The following UGT1A8 variants were observed in gnomAD, a reference collection of about 807,000 sequenced individuals.
UGT1A8 encodes UDP-glucuronosyltransferase 1A8.
In UGT1A8, 39 loss-of-function variants were observed where a neutral mutation model predicts 45.3. That is an observed-to-expected ratio of 0.86 (90% CI 0.67 to 1.12). UGT1A8 has a LOEUF of 1.12. UGT1A8 is among the 50% of genes most tolerant of loss of function. UGT1A8 has a pLI of 0.00. For missense variants in UGT1A8, 719 were observed against 664.9 expected, an observed-to-expected ratio of 1.08 and a Z score of -0.90; for synonymous variants, 275 against 249.2, an observed-to-expected ratio of 1.10 and a Z score of -0.97.
At chr2:233,693,306 A>C in intron 1 of UGT1A8, 1 of 1,614,218 alleles carries the variant, frequency 6.2e-7, no homozygotes, top group Non-Finnish European at 8.5e-7. Flanking sequence ...CACTTTGCTG[A>C]GCGATCATTC....
chr2:233,731,684 T>C (rs2078191188), intron 1 of UGT1A8, among the ~76,000 whole-genome samples: 1 of 152,270 alleles, frequency 6.6e-6, no homozygotes, highest in Non-Finnish European at 1.5e-5. Flanking sequence ...CAGTCTATCA[T>C]TGATGGACAT....
chr2:233,623,041 T>C (rs1462800859), intron 1 of UGT1A8, among the ~76,000 whole-genome samples: 1 of 152,168 alleles, frequency 6.6e-6, no homozygotes, highest in Non-Finnish European at 1.5e-5. Flanking sequence ...GTTGTAGATA[T>C]GTGGTGTTAT....
chr2:233,769,948 G>A lies in UGT1A8; in HGVS notation c.1295+1509G>A, dbSNP rs34217924. ...TGTGGTCCCATTCCTTCCTTCCAGC[G>A]GCTTCTTCTGGCCACCTCAATGTCA... On this transcript the variant is annotated intron_variant, in intron 4 of 4. Transcript: ENST00000373450. The surrounding 1 kb of genome is among the most constrained non-coding windows in gnomAD (Gnocchi z 4.4). The A allele has an allele frequency of 2.0e-3, 447 of 222,054 alleles. 3 individuals carry two copies. The highest frequency in any genetic ancestry group is 0.017 in the East Asian group (164 of 9,732). The allele number at this position is 222,054 out of a possible 1,614,324, so 13.8% of individuals were successfully genotyped here. A position where few individuals can be genotyped will look rare whatever the true frequency, so the allele number is the denominator to read the frequency against.
intron 1 of UGT1A8, among the ~76,000 whole-genome samples, chr2:233,737,492 C>T (rs1256761021): frequency 6.6e-6 from 1 of 152,202 alleles, no homozygotes; most frequent in Non-Finnish European, 1.5e-5. Flanking sequence ...AAAGGGAAAT[C>T]CCTCACCCTC....
intron 1 of UGT1A8, among the ~76,000 whole-genome samples, chr2:233,737,176 C>T (rs550268517): frequency 9.8e-5 from 15 of 152,314 alleles, no homozygotes; most frequent in African/African-American, 2.9e-4. Context: ...GAGTCTATAG[C>T]GGCAGTAGCC....
intron 4 of UGT1A8, among the ~76,000 whole-genome samples, chr2:233,768,657 G>A (rs1265555530): frequency 7.1e-6 from 1 of 141,016 alleles, no homozygotes; most frequent in East Asian, 2.1e-4. Context: ...TGCAATCTTG[G>A]CTTACTGCAA....
chr2:233,709,006 A>G (rs2076051981), intron 1 of UGT1A8, among the ~76,000 whole-genome samples: 1 of 152,104 alleles, frequency 6.6e-6, no homozygotes, highest in African/African-American at 2.4e-5. Flanking sequence ...TCTCAGTGTC[A>G]TAATACCCAA....
chr2:233,680,876 A>G (rs1283845795), intron 1 of UGT1A8, among the ~76,000 whole-genome samples: 1 of 152,048 alleles, frequency 6.6e-6, no homozygotes, highest in Non-Finnish European at 1.5e-5. Flanking sequence ...TTGGGCAAGC[A>G]TAGGGACGGC....
At chr2:233,739,701 C>T (rs1691179218) in intron 1 of UGT1A8, among the ~76,000 whole-genome samples, 1 of 152,172 alleles carries the variant, frequency 6.6e-6, no homozygotes, top group Non-Finnish European at 1.5e-5. Flanking sequence ...ATTTTACAGG[C>T]TCATGGGGGA....
chr2:233,627,624 T>TTCCTTC (rs2073108145), intron 1 of UGT1A8, among the ~76,000 whole-genome samples: 5 of 111,934 alleles, frequency 4.5e-5, no homozygotes, highest in South Asian at 3.8e-4. Context: ...TTCCTTCCTT[T>TTCCTTC]CTTCCTTCCT....
At chr2:233,647,206 T>C (rs1354775708) in intron 1 of UGT1A8, among the ~76,000 whole-genome samples, 7 of 152,208 alleles carry the variant, frequency 4.6e-5, no homozygotes, top group Non-Finnish European at 8.8e-5. Context: ...GTTCCTTCCA[T>C]GACACGTGGA....
chr2:233,765,958 G>T (rs1456773325), intron 1 of UGT1A8, among the ~76,000 whole-genome samples: 1 of 152,138 alleles, frequency 6.6e-6, no homozygotes, highest in East Asian at 1.9e-4. Flanking sequence ...CACCGGCAGT[G>T]TCTAGAGGTG....
chr2:233,687,758 T>C (rs984466246), intron 1 of UGT1A8, among the ~76,000 whole-genome samples: 1 of 151,916 alleles, frequency 6.6e-6, no homozygotes, highest in Non-Finnish European at 1.5e-5. Flanking sequence ...TTTTAAAAAT[T>C]AGCTGGGCCT....
chr2:233,730,008 C>A (rs1346345319), intron 1 of UGT1A8: 25 of 1,613,892 alleles, frequency 1.5e-5, no homozygotes, highest in Non-Finnish European at 2.1e-5. Context: ...GTATTGGTGC[C>A]TTCATCCAAT....
intron 1 of UGT1A8, among the ~76,000 whole-genome samples, chr2:233,734,101 T>TATA (rs549143261): frequency 0.029 from 4,376 of 151,364 alleles, 190 homozygotes; most frequent in African/African-American, 0.094. Flanking sequence ...AAACTTAAAG[T>TATA]ATAATAATAA....
At chr2:233,689,449 A>G (rs1039302425) in intron 1 of UGT1A8, among the ~76,000 whole-genome samples, 2 of 152,252 alleles carry the variant, frequency 1.3e-5, no homozygotes, top group African/African-American at 4.8e-5. Context: ...AAGAGCAAGG[A>G]TACATTTTAG....
At chr2:233,638,087 G>C (rs975773667) in intron 1 of UGT1A8, among the ~76,000 whole-genome samples, 1 of 152,102 alleles carries the variant, frequency 6.6e-6, no homozygotes, top group African/African-American at 2.4e-5. Flanking sequence ...TAGTAGACTA[G>C]AGTCCTACAC....
chr2:233,617,694 G>A lies in UGT1A8; in HGVS notation c.-14G>A, dbSNP rs755142636. The A allele has an allele frequency of 6.2e-7, 1 of 1,606,636 alleles. No individual in the cohort carries two copies. The highest frequency in any genetic ancestry group is 8.5e-7 in the Non-Finnish European group (1 of 1,175,468). ...CTTAGAATCCCAGCTGCTGGCTCGG[G>A]CTGCAGTTCTCTCATGGCTCGCACA... On this transcript the variant is annotated 5_prime_UTR_variant, in exon 1 of 5. Coordinates refer to ENST00000373450, the MANE Select transcript of UGT1A8 (RefSeq NM_019076.5).
chr2:233,718,145 A>G (rs1314627858), intron 1 of UGT1A8: 1 of 232,528 alleles, frequency 4.3e-6, no homozygotes, highest in Non-Finnish European at 8.9e-6. Flanking sequence ...AATCCTCAAT[A>G]AAGCCTTCCC....
Sources: allele counts gnomAD v4.1 joint callset (sites outside exome capture counted in the v4.1 genomes callset), GRCh38; gene constraint gnomAD v4.1.1; non-coding constraint Gnocchi (gnomAD v3.1); transcripts MANE v1.5; gene names NCBI Gene and HGNC (gene_info 2026-07-23, HGNC 2026-07-21).